Variants in PRDM5 observed in about 807,000 individuals in gnomAD.
PRDM5 encodes the protein PR/SET domain 5, also known as PR domain zinc finger protein 5.
PRDM5 carries 56 observed loss-of-function variants against 81.2 expected under a neutral mutation model. That is an observed-to-expected ratio of 0.69 (90% CI 0.56 to 0.86). The LOEUF is 0.86. Among genes scored for constraint, PRDM5 ranks in the 40% least tolerant of loss-of-function variants. The pLI, the probability that PRDM5 is intolerant of heterozygous loss-of-function variation, is 0.00. For missense variants in PRDM5, 697 were observed against 770.1 expected (o/e 0.91, Z 1.12); for synonymous variants, 267 against 256.4 (o/e 1.04, Z -0.39).
intron 1 of PRDM5, among the ~76,000 whole-genome samples, chr4:120,921,976 C>T (rs1276152094): frequency 3.9e-5 from 6 of 152,222 alleles, no homozygotes; most frequent in Admixed American, 3.9e-4. Context: ...AAATCCTGGG[C>T]GTATGAATGA....
At chr4:120,715,125 T>C (rs1737562579) in intron 14 of PRDM5, among the ~76,000 whole-genome samples, 1 of 152,180 alleles carries the variant, frequency 6.6e-6, no homozygotes, top group Non-Finnish European at 1.5e-5. Flanking sequence ...TCATTTTCCC[T>C]GACACCATGA....
intron 14 of PRDM5, among the ~76,000 whole-genome samples, chr4:120,734,655 G>A (rs1431689316): frequency 6.6e-6 from 1 of 152,126 alleles, no homozygotes; most frequent in Non-Finnish European, 1.5e-5. Context: ...TTTTCTCCTG[G>A]TTCTCCTTCA....
intron 1 of PRDM5, among the ~76,000 whole-genome samples, chr4:120,910,864 T>C (rs1298204067): frequency 6.6e-5 from 10 of 152,210 alleles, no homozygotes; most frequent in Non-Finnish European, 1.5e-4. Context: ...AATTTCTGGC[T>C]GACTTCCTGA....
chr4:120,710,394 G>C lies in PRDM5; in HGVS notation c.1643C>G (p.Ser548Ter). The change falls in exon 15 of 16, where the codon TCA (serine) becomes TGA (stop). Residue 548 changes from serine (S) to a stop codon, truncating the protein, a stop_gained. Transcript: ENST00000264808. LOFTEE classifies it high-confidence loss of function. The part of the protein sequence containing the change: ...THTREKPYKC[S>*]ECSKAFSQKR... ...CTGGCTGAAGGCCTTGCTGCACTCT[G>C]AGCACTTGTACGGCTTCTCCTGCAG... 6.2e-7 allele frequency: 1 copy of C among 1,614,082 alleles called. No homozygotes were observed. The highest frequency in any genetic ancestry group is 8.5e-7 in the Non-Finnish European group (1 of 1,180,020).
Position 120,821,169 on chromosome 4 carries a change from A to G in PRDM5, c.475+2T>C. 3 of 1,613,782 alleles carry G rather than the reference A, an allele frequency of 1.9e-6. No homozygotes were observed. In the South Asian group the frequency reaches 3.3e-5, roughly 18 times the overall value. The stretch of plus-strand genomic sequence containing the variant: ...CCAGATCACCAATTAAAGATGCAAT[A>G]CCTTTTCTGCCCGCTGTTGATTGTC... On this transcript the variant is annotated splice_donor_variant, in intron 4 of 15. Transcript: ENST00000264808. LOFTEE classifies it high-confidence loss of function.
At chr4:120,747,876 C>G (rs927280575) in intron 14 of PRDM5, among the ~76,000 whole-genome samples, 2 of 152,146 alleles carry the variant, frequency 1.3e-5, no homozygotes, top group Non-Finnish European at 2.9e-5. Flanking sequence ...GAAATGTGTT[C>G]AAAAGGCAGA....
At chr4:120,903,155 C>A (rs78118010) in intron 2 of PRDM5, among the ~76,000 whole-genome samples, 2,054 of 152,300 alleles carry the variant, frequency 0.013, 16 homozygotes, top group Non-Finnish European at 0.021. Context: ...ACATATGTAA[C>A]TATTTTTTTG....
At chr4:120,765,795 G>T (rs980738749) in intron 13 of PRDM5, among the ~76,000 whole-genome samples, 3 of 152,048 alleles carry the variant, frequency 2.0e-5, no homozygotes, top group African/African-American at 7.2e-5. Context: ...GTGTATCAAG[G>T]GAGTATGAAT....
chr4:120,725,978 C>T (rs943847683), intron 14 of PRDM5, among the ~76,000 whole-genome samples: 1 of 152,106 alleles, frequency 6.6e-6, no homozygotes, highest in African/African-American at 2.4e-5. Flanking sequence ...AGGAAAAGTA[C>T]TGTCAAGACC....
intron 2 of PRDM5, among the ~76,000 whole-genome samples, chr4:120,873,177 T>C (rs1195640276): frequency 6.6e-6 from 1 of 152,036 alleles, no homozygotes. Context: ...AATTTTTGTA[T>C]TTTTTTGGTA....
At chr4:120,818,033 T>A (rs184367740) in intron 5 of PRDM5, 20 of 231,314 alleles carry the variant, frequency 8.6e-5, no homozygotes, top group Non-Finnish European at 7.8e-5. Context: ...GTAACTAAAG[T>A]AGGCATATCT....
intron 13 of PRDM5, among the ~76,000 whole-genome samples, chr4:120,761,131 C>G (rs1337011958): frequency 6.6e-6 from 1 of 152,198 alleles, no homozygotes; most frequent in Non-Finnish European, 1.5e-5. Flanking sequence ...TATCCAAATT[C>G]TCACTGCTGG....
intron 14 of PRDM5, among the ~76,000 whole-genome samples, chr4:120,743,113 G>T (rs1431721195): frequency 1.3e-5 from 2 of 151,882 alleles, no homozygotes; most frequent in African/African-American, 4.8e-5. Flanking sequence ...GAAGAGAGTG[G>T]GGGCCGATAT....
chr4:120,711,527 C>A (rs947814658), intron 14 of PRDM5, among the ~76,000 whole-genome samples: 1 of 149,172 alleles, frequency 6.7e-6, no homozygotes, highest in African/African-American at 2.5e-5. Flanking sequence ...CCAGGCTGGT[C>A]TCAAACTCCT....
intron 8 of PRDM5, among the ~76,000 whole-genome samples, chr4:120,804,051 C>T (rs1162342867): frequency 6.6e-6 from 1 of 152,074 alleles, no homozygotes; most frequent in Non-Finnish European, 1.5e-5. Context: ...GGTTGCAATC[C>T]TAGTCTCTGA....
intron 10 of PRDM5, among the ~76,000 whole-genome samples, chr4:120,785,639 TATTTA>T (rs1749670090): frequency 6.6e-6 from 1 of 152,184 alleles, no homozygotes; most frequent in Non-Finnish European, 1.5e-5. Flanking sequence ...ATTCATTAAA[TATTTA>T]ATTTGTGTCA....
At chr4:120,814,494 A>G (rs992168748) in intron 7 of PRDM5, among the ~76,000 whole-genome samples, 2 of 152,208 alleles carry the variant, frequency 1.3e-5, no homozygotes, top group Non-Finnish European at 2.9e-5. Context: ...TGCTTCTAGG[A>G]GCTGGTCTGA....
rs368678064 is a variant in PRDM5, at chr4:120,917,625, A to T, written c.93+4891T>A. Among the ~76,000 whole-genome samples, 9 of 152,010 alleles carry T rather than the reference A, an allele frequency of 5.9e-5. No homozygotes were observed. The South Asian group carries it at 1.9e-3, about 32-fold the overall frequency. On this transcript the variant is annotated intron_variant, in intron 1 of 15. Coordinates refer to ENST00000264808, the MANE Select transcript of PRDM5 (RefSeq NM_018699.4). ...TTGTTAAATGAATGTGTAAAACAAGACCTGAATAAATAAAAATTATGGCAC... is the reference window on the plus strand; with the variant it reads ...TTGTTAAATGAATGTGTAAAACAAGTCCTGAATAAATAAAAATTATGGCAC...
intron 2 of PRDM5, among the ~76,000 whole-genome samples, chr4:120,859,160 A>C (rs1227765520): frequency 6.6e-6 from 1 of 152,124 alleles, no homozygotes; most frequent in East Asian, 1.9e-4. Flanking sequence ...CCTTAAATAT[A>C]AACATTCTGC....
Sources: gnomAD v4.1 joint callset for allele counts (sites outside exome capture counted in the v4.1 genomes callset) on GRCh38, gnomAD v4.1.1 for gene constraint, MANE v1.5 for transcripts, NCBI Gene and HGNC (gene_info 2026-07-23, HGNC 2026-07-21) for gene names.